ADAMTS16: variants seen among roughly 807,000 people sequenced by gnomAD.
ADAMTS16 encodes the protein ADAM metallopeptidase with thrombospondin type 1 motif 16.
ADAMTS16 carries 94 observed loss-of-function variants against 145.8 expected under a neutral mutation model. The observed-to-expected ratio is 0.64, with a 90% CI of 0.55 to 0.77. The LOEUF (loss-of-function observed/expected upper bound fraction) is 0.77, where lower values mean the gene tolerates loss of function less well. ADAMTS16 is among the 30% of genes least tolerant of loss of function. The pLI, the probability that ADAMTS16 is intolerant of heterozygous loss-of-function variation, is 0.00. For synonymous variants in ADAMTS16, 659 were observed against 604.3 expected (o/e 1.09, Z -1.33); for missense variants, 1,585 against 1,591.5 (o/e 1.00, Z 0.07).
At position 5,242,027 on chromosome 5, in the gene ADAMTS16, A is replaced by AT. The variant is rs778689870; in HGVS notation, c.2524-20dup. On this transcript the variant is annotated intron_variant, in intron 16 of 22. Transcript: ENST00000274181. ...TGCTGGTTTTGCATTAATTTGTTTT[A>AT]TTTTTTCCCCTTTCTTATTTTGTAG... 7.4e-6 allele frequency: 12 copies of AT among 1,612,314 alleles called. No individual in the cohort carries two copies. The African/African-American group carries it at 1.1e-4, about 14-fold the overall frequency.
rs139072182 is a variant in ADAMTS16 at position 5,163,558 on chromosome 5, G to A, written c.501+17103G>A. Among the ~76,000 whole-genome samples, 195 of 152,324 alleles carry A rather than the reference G, an allele frequency of 1.3e-3. 2 individuals are homozygous for A. Among genetic ancestry groups the A allele is most frequent in the African/African-American group, 4.5e-3 (188 of 41,560 alleles). ...AAGGTAATGGCCTGGGGTGTTACAT[G>A]TGTAAGGGAAGTCATGTAGAATATG... On this transcript the variant is annotated intron_variant, in intron 3 of 22. Coordinates refer to ENST00000274181, the MANE Select transcript of ADAMTS16 (RefSeq NM_139056.4).
intron 18 of ADAMTS16, among the ~76,000 whole-genome samples, chr5:5,286,685 C>T (rs1246549259): frequency 1.3e-5 from 2 of 151,630 alleles, no homozygotes; most frequent in African/African-American, 4.8e-5. Context: ...GGTGAAACCC[C>T]GTCTCTACTA....
chr5:5,242,951 T>C (rs1737337779), intron 17 of ADAMTS16, among the ~76,000 whole-genome samples: 1 of 152,232 alleles, frequency 6.6e-6, no homozygotes, highest in South Asian at 2.1e-4. Context: ...GATTTCAGCT[T>C]TATGCAATCT....
intron 18 of ADAMTS16, among the ~76,000 whole-genome samples, chr5:5,266,583 T>G (rs1019990766): frequency 6.6e-6 from 1 of 152,188 alleles, no homozygotes; most frequent in African/African-American, 2.4e-5. Flanking sequence ...TTGTTGGTTG[T>G]TTGTTTTCTT....
chr5:5,234,501 G>C (rs1159204335), intron 12 of ADAMTS16, among the ~76,000 whole-genome samples: 1 of 152,184 alleles, frequency 6.6e-6, no homozygotes, highest in African/African-American at 2.4e-5. Context: ...TGCTGCTCTT[G>C]TAAAGGATTC....
intron 18 of ADAMTS16, among the ~76,000 whole-genome samples, chr5:5,297,125 C>T (rs1739570336): frequency 6.6e-6 from 1 of 152,174 alleles, no homozygotes; most frequent in Non-Finnish European, 1.5e-5. Flanking sequence ...ACACATAAGA[C>T]GAGGCTGGTA....
chr5:5,190,302 C>T (rs1001589254), intron 7 of ADAMTS16, among the ~76,000 whole-genome samples, 172 bp downstream of exon 7: 12 of 152,166 alleles, frequency 7.9e-5, no homozygotes, highest in African/African-American at 2.9e-4. Context: ...TAGAAGTACG[C>T]TTGCATTCAT....
chr5:5,283,504 C>T (rs976893662), intron 18 of ADAMTS16, among the ~76,000 whole-genome samples: 5 of 151,782 alleles, frequency 3.3e-5, no homozygotes, highest in African/African-American at 1.2e-4. Context: ...AGGACTCTGT[C>T]ACCTCAAGCT....
At chr5:5,238,064 T>C (rs138960265) in intron 14 of ADAMTS16, among the ~76,000 whole-genome samples, 2 of 152,310 alleles carry the variant, frequency 1.3e-5, no homozygotes, top group Non-Finnish European at 2.9e-5. Context: ...CTGAGATCCT[T>C]AGTGTAATCA....
chr5:5,319,614 A>G lies in ADAMTS16; in HGVS notation c.*476A>G. 6.1e-6 allele frequency: 2 copies of G among 330,128 alleles called. No individual in the cohort carries two copies. Among genetic ancestry groups the G allele is most frequent in the Non-Finnish European group, 1.2e-5 (2 of 171,580 alleles). 20.4% of individuals were successfully genotyped at this position (330,128 alleles called of 1,614,324 possible). A position where few individuals can be genotyped will look rare whatever the true frequency, so the allele number is the denominator to read the frequency against. ...GCCCCTCGAGCCATCAGGAGTGACC[A>G]ACTTCCTGGGTGGAGGTCAGGGGAG... On this transcript the variant is annotated 3_prime_UTR_variant, in exon 23 of 23. Coordinates refer to ENST00000274181, the MANE Select transcript of ADAMTS16 (RefSeq NM_139056.4).
chr5:5,228,513 T>A (rs1360529629), intron 11 of ADAMTS16, among the ~76,000 whole-genome samples: 1 of 152,166 alleles, frequency 6.6e-6, no homozygotes, highest in Non-Finnish European at 1.5e-5. Context: ...AAAATTAAAA[T>A]TTTTAAAGAT....
At chr5:5,222,419 T>G (rs1358470817) in intron 10 of ADAMTS16, among the ~76,000 whole-genome samples, 1 of 152,182 alleles carries the variant, frequency 6.6e-6, no homozygotes, top group African/African-American at 2.4e-5. Flanking sequence ...TTGGACAGAT[T>G]CAGGAAGGTG....
chr5:5,242,890 T>G (rs567089304), intron 17 of ADAMTS16, among the ~76,000 whole-genome samples: 108 of 152,302 alleles, frequency 7.1e-4, no homozygotes, highest in African/African-American at 2.6e-3. Context: ...AACAACATAG[T>G]AAATTCTATC....
Position 5,188,869 on chromosome 5 carries a change from A to G in ADAMTS16, c.1047+1061A>G, listed in dbSNP as rs541462500. Among the ~76,000 whole-genome samples, 155 of 152,232 alleles carry G rather than the reference A, an allele frequency of 1.0e-3. 1 individual carries two copies. Among genetic ancestry groups the G allele is most frequent in the African/African-American group, 3.6e-3 (151 of 41,536 alleles). ...GAACATGCCGGGCTTCTCAGGTGAC[A>G]GGTTAATTATTCCTGGTATTAAAAC... On this transcript the variant is annotated intron_variant, in intron 6 of 22. Transcript: ENST00000274181.
intron 8 of ADAMTS16, among the ~76,000 whole-genome samples, chr5:5,199,524 C>G (rs1387775248): frequency 6.6e-6 from 1 of 152,192 alleles, no homozygotes; most frequent in African/African-American, 2.4e-5. Context: ...CAAGCACAGC[C>G]CGCCCATCAC....
intron 18 of ADAMTS16, among the ~76,000 whole-genome samples, chr5:5,284,607 T>C (rs1322573356): frequency 6.6e-6 from 1 of 152,232 alleles, no homozygotes; most frequent in African/African-American, 2.4e-5. Context: ...TGCTTCTCTG[T>C]TGCTCCATGC....
At chr5:5,216,712 C>A (rs1441202073) in intron 10 of ADAMTS16, among the ~76,000 whole-genome samples, 1 of 146,478 alleles carries the variant, frequency 6.8e-6, no homozygotes, top group Non-Finnish European at 1.5e-5. Flanking sequence ...CCCACTAACT[C>A]GTCATCTAGC....
At position 5,306,748 on chromosome 5, in the gene ADAMTS16, C is replaced by A; in HGVS notation, c.3411+20C>A. 6.3e-7 allele frequency: 1 copy of A among 1,578,218 alleles called. No homozygotes were observed. Among genetic ancestry groups the A allele is most frequent in the South Asian group, 1.1e-5 (1 of 88,268 alleles). ...TCTCAGGTAGGGGAGGCCCTCGGTT[C>A]CTGGAGAGTGGGCGAGCACAGCTTG... On this transcript the variant is annotated intron_variant, in intron 21 of 22. Coordinates refer to ENST00000274181, the MANE Select transcript of ADAMTS16 (RefSeq NM_139056.4).
intron 18 of ADAMTS16, among the ~76,000 whole-genome samples, chr5:5,289,934 CA>C (rs1739242663): frequency 6.6e-6 from 1 of 152,212 alleles, no homozygotes; most frequent in African/African-American, 2.4e-5. Context: ...ACCTTTCAAT[CA>C]GGGCAAAATA....
Sources: gnomAD v4.1 joint callset for allele counts (sites outside exome capture counted in the v4.1 genomes callset) on GRCh38, gnomAD v4.1.1 for gene constraint, MANE v1.5 for transcripts, NCBI Gene and HGNC (gene_info 2026-07-23, HGNC 2026-07-21) for gene names.